A2ML1: variants seen among roughly 807,000 people sequenced by gnomAD.
A2ML1 encodes alpha-2-macroglobulin like 1.
A neutral mutation model predicts 181.9 loss-of-function variants in A2ML1; 161 were observed. The observed-to-expected ratio is 0.89, with a 90% CI of 0.78 to 1.01. The LOEUF (loss-of-function observed/expected upper bound fraction) is 1.01. Among genes scored for constraint, A2ML1 ranks in the 50% least tolerant of loss-of-function variants. The probability of loss-of-function intolerance (pLI) is 0.00; values close to 1 mark genes in which losing one functional copy is unlikely to be tolerated. For synonymous variants in A2ML1, 663 were observed against 666.8 expected (o/e 0.99, Z 0.09); for missense variants, 1,670 against 1,768.1 (o/e 0.94, Z 1.00).
chr12:8,873,231 T>C (rs930466499), intron 33 of A2ML1, among the ~76,000 whole-genome samples: 1 of 149,756 alleles, frequency 6.7e-6, no homozygotes, highest in Admixed American at 6.6e-5. Flanking sequence ...TATATCTAAA[T>C]TTATAATACG....
chr12:8,854,776 G>A lies in A2ML1; in HGVS notation c.2713-4G>A, dbSNP rs374927933. ...GTTTTTATCTGTGTCTCTCTTCATCGCAGCCTGAGGGAGTCCTGGTGGAGA... is the reference window on the plus strand; with the variant it reads ...GTTTTTATCTGTGTCTCTCTTCATCACAGCCTGAGGGAGTCCTGGTGGAGA... On this transcript the variant is annotated splice_region_variant and splice_polypyrimidine_tract_variant and intron_variant, in intron 21 of 35. Transcript: ENST00000299698. The A allele has an allele frequency of 4.3e-6, 7 of 1,613,870 alleles. No homozygotes were observed. Among genetic ancestry groups the A allele is most frequent in the East Asian group, 2.2e-5 (1 of 44,884 alleles).
At chr12:8,836,012 C>CAAAA (rs753902128) in intron 6 of A2ML1, among the ~76,000 whole-genome samples, 6 of 52,188 alleles carry the variant, frequency 1.1e-4, no homozygotes, top group African/African-American at 3.0e-4. Context: ...GACTCCGTCT[C>CAAAA]AAAAAAAAAA....
At chr12:8,860,023 T>C (rs777379640) in intron 26 of A2ML1, among the ~76,000 whole-genome samples, 2 of 152,116 alleles carry the variant, frequency 1.3e-5, no homozygotes, top group Non-Finnish European at 2.9e-5. Context: ...GAGCAAGCTA[T>C]TTAATCTTTT....
At position 8,860,949 on chromosome 12, in the gene A2ML1, T is replaced by G; in HGVS notation, c.3333T>G (p.Asp1111Glu). The change falls in exon 27 of 36, where the codon GAT (aspartate) becomes GAG (glutamate). Residue 1111 changes from aspartate to glutamate, a missense_variant. Coordinates refer to ENST00000299698, the MANE Select transcript of A2ML1 (RefSeq NM_144670.6). ...VTAALLEMGKDVDDPMVSQGL... is the reference protein window; with the variant it reads ...VTAALLEMGKEVDDPMVSQGL... Reference sequence around the variant, plus strand: ...CTGCATTGCTGGAGATGGGAAAGGATGTAGATGTAAGTTCTCCTGGCTCCT... The same window carrying G: ...CTGCATTGCTGGAGATGGGAAAGGAGGTAGATGTAAGTTCTCCTGGCTCCT... The G allele has an allele frequency of 1.9e-6, 3 of 1,614,068 alleles. No individual in the cohort carries two copies.
chr12:8,856,898 C>T (rs1417713430), intron 23 of A2ML1, among the ~76,000 whole-genome samples: 20 of 124,964 alleles, frequency 1.6e-4, no homozygotes, highest in South Asian at 8.0e-4. Context: ...ACAGTAGGTA[C>T]TTTTTTTTTT....
intron 9 of A2ML1, 62 bp from the exon 10 acceptor site, chr12:8,839,050 AT>A: frequency 8.6e-7 from 1 of 1,156,448 alleles, no homozygotes. Context: ...GAGACTTGAC[AT>A]TAAACGTGAA....
rs773706747 is a variant in A2ML1, at chr12:8,849,762, A to T, written c.2119+3A>T. ...AGAATACAGCACTGCTATGGGTGGT[A>T]AGCCACCTCTGTGGTCTGTGGATTC... On this transcript the variant is annotated splice_donor_region_variant and intron_variant, in intron 17 of 35. Transcript: ENST00000299698. The T allele has an allele frequency of 6.2e-7, 1 of 1,613,430 alleles. No homozygotes were observed. The highest frequency in any genetic ancestry group is 1.1e-5 in the South Asian group (1 of 91,048).
At chr12:8,861,840 A>G (rs933591664) in intron 28 of A2ML1, among the ~76,000 whole-genome samples, 7 of 151,858 alleles carry the variant, frequency 4.6e-5, no homozygotes, top group South Asian at 2.1e-4. Flanking sequence ...GCTCACTGCA[A>G]CCTCTGCCTC....
intron 3 of A2ML1, among the ~76,000 whole-genome samples, chr12:8,825,198 T>G (rs757131674): frequency 2.0e-4 from 31 of 152,320 alleles, no homozygotes; most frequent in African/African-American, 6.3e-4. Flanking sequence ...TTGTACTAAT[T>G]TACATTCCCA....
chr12:8,839,565 T>G (rs1943399159), intron 10 of A2ML1, among the ~76,000 whole-genome samples: 1 of 152,054 alleles, frequency 6.6e-6, no homozygotes, highest in Non-Finnish European at 1.5e-5. Context: ...TAATGACACC[T>G]TAGGGGTCTT....
rs776642180 is a variant in A2ML1, at chr12:8,838,372, A to T, written c.892A>T (p.Met298Leu). The T allele has an allele frequency of 3.7e-6, 6 of 1,613,756 alleles. No homozygotes were observed. The African/African-American group carries it at 8.0e-5, about 22-fold the overall frequency. Residue 298 changes from methionine to leucine, a missense_variant, in exon 9 of 36, where the codon ATG (methionine) becomes TTG (leucine). Physicochemically the swap from Met to Leu is conservative, Grantham distance 15. Coordinates refer to ENST00000299698, the MANE Select transcript of A2ML1 (RefSeq NM_144670.6). Reference protein sequence around the residue: ...KTGCFSAPVDMATFDLIGYAY... With the variant: ...KTGCFSAPVDLATFDLIGYAY... Reference sequence around the variant, plus strand: ...AGGATGTTTCTCAGCACCTGTGGACATGGCCACCTTTGACCTCATTGGATA... The same window carrying T: ...AGGATGTTTCTCAGCACCTGTGGACTTGGCCACCTTTGACCTCATTGGATA...
chr12:8,827,397 T>C (rs751013602), intron 3 of A2ML1, among the ~76,000 whole-genome samples: 3 of 152,226 alleles, frequency 2.0e-5, no homozygotes, highest in Admixed American at 6.5e-5. Flanking sequence ...ATTTTCACTT[T>C]GAATAAACTT....
rs909507521 is a variant in A2ML1 at position 8,823,384 on chromosome 12, C to T, written c.246+19C>T. ...CTTTCTTGTAAGCACAGACTCAGCC[C>T]TCACTCGAATCCCTTACTTGCCTAT... On this transcript the variant is annotated intron_variant, in intron 2 of 35. Coordinates refer to ENST00000299698, the MANE Select transcript of A2ML1 (RefSeq NM_144670.6). 2.5e-6 allele frequency: 4 copies of T among 1,604,430 alleles called. No homozygotes were observed. In the South Asian group the frequency reaches 3.4e-5, roughly 13 times the overall value.
At chr12:8,835,167 C>T (rs1458307225) in intron 5 of A2ML1, among the ~76,000 whole-genome samples, 1 of 152,152 alleles carries the variant, frequency 6.6e-6, no homozygotes, top group African/African-American at 2.4e-5. Flanking sequence ...CAGCCTTGTC[C>T]CCTAATAGTG....
At position 8,843,263 on chromosome 12, in the gene A2ML1, G is replaced by A. The variant is rs758716034; in HGVS notation, c.1378G>A (p.Gly460Ser). The A allele has an allele frequency of 1.2e-5, 20 of 1,614,018 alleles. No individual in the cohort carries two copies. Among genetic ancestry groups the A allele is most frequent in the East Asian group, 8.9e-5 (4 of 44,898 alleles). Reference protein sequence around the residue: ...RSFLGIHRLNGPLKCGQPQEV... With the variant: ...RSFLGIHRLNSPLKCGQPQEV... The stretch of plus-strand genomic sequence containing the variant: ...CTTCCTTGGCATCCACCGGCTAAAC[G>A]GCCCCTTGAAATGTGGCCAGCCCCA... The change falls in exon 12 of 36, where the codon GGC becomes AGC. Residue 460 changes from glycine (G) to serine (S), a missense_variant. Coordinates refer to ENST00000299698, the MANE Select transcript of A2ML1 (RefSeq NM_144670.6).
intron 11 of A2ML1, among the ~76,000 whole-genome samples, chr12:8,842,440 C>T (rs1192143798): frequency 2.0e-5 from 3 of 152,020 alleles, no homozygotes; most frequent in African/African-American, 4.8e-5. Context: ...AGGATGGTCT[C>T]GATCTCCTGA....
At chr12:8,881,292 T>C (rs1944867593), downstream of A2ML1, among the ~76,000 whole-genome samples, 1 of 152,214 alleles carries the variant, frequency 6.6e-6, no homozygotes, top group South Asian at 2.1e-4. Context: ...TGGGGGCTTA[T>C]ATGCCATTTT....
rs913905099 is a variant in A2ML1 at position 8,852,098 on chromosome 12, A to G, written c.2463+86A>G. 14 of 1,589,294 alleles carry G rather than the reference A, an allele frequency of 8.8e-6. No homozygotes were observed. Among genetic ancestry groups the G allele is most frequent in the Admixed American group, 5.1e-5 (3 of 58,520 alleles). ...TTGTCTCTAAATTGGAAGCATCCCAATTTTCCCTGGGAAAGAGAGGAGATG... is the reference window on the plus strand; with the variant it reads ...TTGTCTCTAAATTGGAAGCATCCCAGTTTTCCCTGGGAAAGAGAGGAGATG... On this transcript the variant is annotated intron_variant, in intron 19 of 35. Transcript: ENST00000299698. The surrounding 1 kb of genome is among the most constrained non-coding windows in gnomAD (Gnocchi z 4.2).
downstream of A2ML1, among the ~76,000 whole-genome samples, chr12:8,881,647 C>T (rs137885428): frequency 8.5e-5 from 13 of 152,278 alleles, no homozygotes; most frequent in African/African-American, 3.1e-4. Flanking sequence ...TCCCTTTTAA[C>T]TGGGTGGATG....
Sources: gnomAD v4.1 joint callset for allele counts (sites outside exome capture counted in the v4.1 genomes callset) on GRCh38, gnomAD v4.1.1 for gene constraint, Gnocchi (gnomAD v3.1) non-coding constraint, MANE v1.5 for transcripts, NCBI Gene and HGNC (gene_info 2026-07-23, HGNC 2026-07-21) for gene names.